CDYL2: variants seen among roughly 807,000 people sequenced by gnomAD.
CDYL2 encodes chromodomain Y-like protein 2.
Under a neutral mutation model 49.4 loss-of-function variants are expected in CDYL2, and 23 were observed. That is an observed-to-expected ratio of 0.47 (90% CI 0.34 to 0.66). CDYL2 has a LOEUF of 0.66. Ranked by LOEUF, CDYL2 falls within the 30% of genes least tolerant of loss-of-function variation. CDYL2 has a pLI of 0.01. For missense variants in CDYL2, 678 were observed against 656.4 expected, an observed-to-expected ratio of 1.03 and a Z score of -0.36; for synonymous variants, 360 against 268.8, an observed-to-expected ratio of 1.34 and a Z score of -3.32.
chr16:80,641,704 A>C (rs889762800), intron 2 of CDYL2, among the ~76,000 whole-genome samples: 1 of 138,628 alleles, frequency 7.2e-6, no homozygotes, highest in Non-Finnish European at 1.5e-5. Flanking sequence ...CAATGAGAAC[A>C]CATGGACACA....
chr16:80,666,061 G>A (rs978363373), intron 2 of CDYL2, among the ~76,000 whole-genome samples: 1 of 152,160 alleles, frequency 6.6e-6, no homozygotes, highest in African/African-American at 2.4e-5. Context: ...GAAGAGAAAT[G>A]AAGACTCATG....
rs139559283 is a variant in CDYL2 at position 80,653,158 on chromosome 16, C to T, written c.617-19922G>A. Among the ~76,000 whole-genome samples the T allele has an allele frequency of 2.3e-3, 354 of 152,246 alleles. 2 individuals carry two copies. The highest frequency in any genetic ancestry group is 8.1e-3 in the African/African-American group (338 of 41,548). On this transcript the variant is annotated intron_variant, in intron 2 of 6. Coordinates refer to ENST00000570137, the MANE Select transcript of CDYL2 (RefSeq NM_152342.4). ...TTCGTGTTCCAATTTTTCTGTGAACCTATAACTGGTTAAAAAGTGAAATTT... is the reference window on the plus strand; with the variant it reads ...TTCGTGTTCCAATTTTTCTGTGAACTTATAACTGGTTAAAAAGTGAAATTT...
intron 1 of CDYL2, among the ~76,000 whole-genome samples, chr16:80,709,960 C>G (rs1012604289): frequency 6.7e-6 from 1 of 149,426 alleles, no homozygotes; most frequent in Non-Finnish European, 1.5e-5. Flanking sequence ...TGGAGTTTCA[C>G]TCTTTCGCCC....
Position 80,684,777 on chromosome 16 carries a change from G to A in CDYL2, c.377C>T (p.Ser126Leu), listed in dbSNP as rs1159768289. 1.2e-6 allele frequency: 2 copies of A among 1,614,210 alleles called. No individual in the cohort carries two copies. Among genetic ancestry groups the A allele is most frequent in the Non-Finnish European group, 1.7e-6 (2 of 1,180,046 alleles). ...CGTCTTGGTGGCCCTGTCACCTCCT[G>A]AAGAGGGCTTGCCTGAATACCCTTT... is the stretch of plus-strand genomic sequence containing the variant. ...PKKGYSGKPS[S>L]GGDRATKTVS... Residue 126 changes from serine to leucine, a missense_variant, in exon 2 of 7, where the codon TCA becomes TTA. Physicochemically the swap from Ser to Leu is moderately radical, Grantham distance 145 (BLOSUM62 -2). Coordinates refer to ENST00000570137, the MANE Select transcript of CDYL2 (RefSeq NM_152342.4).
chr16:80,637,009 C>T (rs1000471926), intron 2 of CDYL2, among the ~76,000 whole-genome samples: 3 of 152,064 alleles, frequency 2.0e-5, no homozygotes, highest in African/African-American at 7.2e-5. Flanking sequence ...ACAATGAGAA[C>T]ACATGGATAC....
chr16:80,638,278 T>C (rs1907929220), intron 2 of CDYL2, among the ~76,000 whole-genome samples: 1 of 152,308 alleles, frequency 6.6e-6, no homozygotes, highest in African/African-American at 2.4e-5. Context: ...TCTCACTATG[T>C]TGCCTAGGCT....
intron 1 of CDYL2, among the ~76,000 whole-genome samples, chr16:80,756,018 A>C (rs1442435087): frequency 6.6e-6 from 1 of 152,188 alleles, no homozygotes; most frequent in Non-Finnish European, 1.5e-5. Flanking sequence ...TTAGTTAGAA[A>C]ATAGCAATAA....
intron 1 of CDYL2, among the ~76,000 whole-genome samples, chr16:80,773,700 T>A (rs181794778): frequency 1.2e-4 from 19 of 152,176 alleles, no homozygotes; most frequent in African/African-American, 4.6e-4. Context: ...GAAACAAAAA[T>A]GGAAACTAGA....
chr16:80,704,073 C>T (rs866110516), intron 1 of CDYL2, among the ~76,000 whole-genome samples: 3 of 152,158 alleles, frequency 2.0e-5, no homozygotes, highest in East Asian at 1.9e-4. Flanking sequence ...CTGAGTAGAG[C>T]AAAATGTCTG....
intron 2 of CDYL2, among the ~76,000 whole-genome samples, chr16:80,683,752 T>C (rs1416714060): frequency 2.6e-5 from 4 of 152,194 alleles, no homozygotes; most frequent in African/African-American, 4.8e-5. Flanking sequence ...GTGGCCCTTA[T>C]AAAAGAGGCT....
At chr16:80,782,461 G>T (rs1001970549) in intron 1 of CDYL2, among the ~76,000 whole-genome samples, 5 of 147,436 alleles carry the variant, frequency 3.4e-5, no homozygotes, top group Non-Finnish European at 7.4e-5. Context: ...AGCTAAAAGG[G>T]AGGGTATACT....
At chr16:80,613,382 G>C (rs1906687795) in intron 4 of CDYL2, among the ~76,000 whole-genome samples, 1 of 152,154 alleles carries the variant, frequency 6.6e-6, no homozygotes, top group Non-Finnish European at 1.5e-5. Context: ...ATGCTGTAGA[G>C]GGACTTCAAG....
chr16:80,615,291 A>G (rs957742603), intron 4 of CDYL2, among the ~76,000 whole-genome samples: 1 of 152,078 alleles, frequency 6.6e-6, no homozygotes, highest in Admixed American at 6.5e-5. Context: ...ACTGAAAGCA[A>G]TTTGGGGTCT....
intron 2 of CDYL2, among the ~76,000 whole-genome samples, chr16:80,682,362 A>G (rs1910001352): frequency 1.3e-5 from 2 of 152,192 alleles, no homozygotes; most frequent in Admixed American, 1.3e-4. Context: ...CAATCAACGG[A>G]TCTCAACAGG....
chr16:80,646,658 G>T (rs774855952), intron 2 of CDYL2, among the ~76,000 whole-genome samples: 95 of 152,018 alleles, frequency 6.2e-4, no homozygotes, highest in African/African-American at 2.1e-3. Flanking sequence ...GCAGAGTGGC[G>T]TGTGCCTGTA....
chr16:80,621,521 C>G (rs2142376790), intron 3 of CDYL2, among the ~76,000 whole-genome samples: 1 of 152,364 alleles, frequency 6.6e-6, no homozygotes, highest in South Asian at 2.1e-4. Flanking sequence ...GCCATGGGAC[C>G]TGAGCCATGC....
chr16:80,697,191 C>T (rs1378147514), intron 1 of CDYL2, among the ~76,000 whole-genome samples: 2 of 152,168 alleles, frequency 1.3e-5, no homozygotes, highest in African/African-American at 4.8e-5. Context: ...TACAAGCAAA[C>T]TAATCCAACA....
At chr16:80,682,297 A>G (rs942735424) in intron 2 of CDYL2, among the ~76,000 whole-genome samples, 1 of 152,214 alleles carries the variant, frequency 6.6e-6, no homozygotes, top group African/African-American at 2.4e-5. Flanking sequence ...TATGAGGAAG[A>G]TAAGAGATCA....
At chr16:80,679,423 C>T (rs551549085) in intron 2 of CDYL2, among the ~76,000 whole-genome samples, 7 of 152,040 alleles carry the variant, frequency 4.6e-5, no homozygotes, top group South Asian at 2.1e-4. Flanking sequence ...CCAGCTGGGC[C>T]GTGGTATAGA....
Sources: allele counts gnomAD v4.1 joint callset (sites outside exome capture counted in the v4.1 genomes callset), GRCh38; gene constraint gnomAD v4.1.1; transcripts MANE v1.5; gene names NCBI Gene and HGNC (gene_info 2026-07-23, HGNC 2026-07-21).